The following RNF24 variants were observed in gnomAD, a reference collection of about 807,000 sequenced individuals.
RNF24 encodes ring finger protein 24.
RNF24 carries 14 observed loss-of-function variants against 20.0 expected under a neutral mutation model. That is an observed-to-expected ratio of 0.70 (90% CI 0.46 to 1.10). The LOEUF (loss-of-function observed/expected upper bound fraction) is 1.10. RNF24 is among the 50% of genes least tolerant of loss of function. The pLI, the probability that RNF24 is intolerant of heterozygous loss-of-function variation, is 0.00. For synonymous variants in RNF24, 45 were observed against 61.1 expected, an observed-to-expected ratio of 0.74 and a Z score of 1.23; for missense variants, 124 against 177.6, an observed-to-expected ratio of 0.70 and a Z score of 1.71.
Position 3,929,977 on chromosome 20 carries a change from C to A in RNF24, c.*4086G>T, listed in dbSNP as rs536661774. ...ATGGCTCTTCCCACATTAGTAGGAG[C>A]GTTCCTTGAATACACTTGTCTGGTA... On this transcript the variant is annotated 3_prime_UTR_variant, in exon 6 of 6. Coordinates refer to ENST00000358395, the MANE Select transcript of RNF24 (RefSeq NM_001134337.3). 1.4e-5 allele frequency: 2 copies of A among 147,224 alleles called. No homozygotes were observed. Among genetic ancestry groups the A allele is most frequent in the South Asian group, 4.1e-4 (2 of 4,834 alleles). 9.1% of individuals were successfully genotyped at this position (147,224 alleles called of 1,614,324 possible).
At chr20:3,965,007 TA>T (rs1007072423) in intron 1 of RNF24, among the ~76,000 whole-genome samples, 15 of 151,758 alleles carry the variant, frequency 9.9e-5, no homozygotes, top group South Asian at 2.1e-4. Context: ...GTTTAAACAT[TA>T]AAAAAAAGGA....
At chr20:3,957,229 C>T (rs1017334430) in intron 2 of RNF24, among the ~76,000 whole-genome samples, 1 of 151,812 alleles carries the variant, frequency 6.6e-6, no homozygotes, top group Non-Finnish European at 1.5e-5. Flanking sequence ...ACCCATGAGG[C>T]GGAGGTTGCA....
intron 4 of RNF24, among the ~76,000 whole-genome samples, chr20:3,942,837 A>G (rs1238014396): frequency 2.8e-5 from 4 of 145,408 alleles, no homozygotes; most frequent in African/African-American, 1.0e-4. Context: ...TTTTTTTGAG[A>G]TAGTGTTTCA....
At chr20:3,936,791 T>A (rs1315341160) in intron 4 of RNF24, among the ~76,000 whole-genome samples, 3 of 152,212 alleles carry the variant, frequency 2.0e-5, no homozygotes, top group Non-Finnish European at 4.4e-5. Context: ...TTTATTCACT[T>A]ATTTTTCCAG....
chr20:3,949,520 T>C (rs1389689203), intron 2 of RNF24, among the ~76,000 whole-genome samples: 1 of 151,726 alleles, frequency 6.6e-6, no homozygotes, highest in Non-Finnish European at 1.5e-5. Flanking sequence ...ACCTCATCTG[T>C]ACAAAAAATA....
intron 1 of RNF24, among the ~76,000 whole-genome samples, chr20:3,991,894 T>C (rs1980468865): frequency 6.6e-6 from 1 of 151,956 alleles, no homozygotes; most frequent in African/African-American, 2.4e-5. Context: ...CTAATGAGAT[T>C]GCCGTTTCAT....
At chr20:4,005,951 T>G (rs1481449262) in intron 1 of RNF24, among the ~76,000 whole-genome samples, 2 of 152,194 alleles carry the variant, frequency 1.3e-5, no homozygotes, top group Non-Finnish European at 2.9e-5. Context: ...AATTAAACAA[T>G]TATGATATTA....
intron 1 of RNF24, among the ~76,000 whole-genome samples, chr20:4,014,086 T>G (rs1406094605): frequency 6.6e-6 from 1 of 152,210 alleles, no homozygotes; most frequent in South Asian, 2.1e-4. Flanking sequence ...CAGCGCTTCC[T>G]TCTCTCTCTG....
At chr20:3,947,444 G>A (rs1264680188) in intron 3 of RNF24, among the ~76,000 whole-genome samples, 2 of 152,186 alleles carry the variant, frequency 1.3e-5, no homozygotes, top group African/African-American at 4.8e-5. Context: ...ATCAGTGAAG[G>A]ACTAGGTATT....
intron 2 of RNF24, among the ~76,000 whole-genome samples, chr20:3,959,944 T>C (rs1296431005): frequency 6.6e-6 from 1 of 152,168 alleles, no homozygotes; most frequent in Non-Finnish European, 1.5e-5. Context: ...TGAACAAACA[T>C]AAATTAGAAT....
Position 3,927,977 on chromosome 20 carries a change from T to C in RNF24, c.*6086A>G, listed in dbSNP as rs1363920343. The C allele has an allele frequency of 1.3e-5, 2 of 152,038 alleles. No individual in the cohort carries two copies. The highest frequency in any genetic ancestry group is 4.8e-5 in the African/African-American group (2 of 41,382). 9.4% of individuals were successfully genotyped at this position (152,038 alleles called of 1,614,324 possible). ...GGGCTCTACAGCTGAATTGGCAAAG[T>C]AAGGTTTACTACACAAGCCCCTCTT... On this transcript the variant is annotated 3_prime_UTR_variant, in exon 6 of 6. Coordinates refer to ENST00000358395, the MANE Select transcript of RNF24 (RefSeq NM_001134337.3).
chr20:3,948,105 C>T, intron 3 of RNF24, 132 bp downstream of exon 3: 1 of 651,318 alleles, frequency 1.5e-6, no homozygotes, highest in Non-Finnish European at 2.7e-6. Context: ...TATTATACTG[C>T]AAATTGGCAG....
At chr20:3,982,485 G>A (rs1301384250) in intron 1 of RNF24, among the ~76,000 whole-genome samples, 2 of 150,912 alleles carry the variant, frequency 1.3e-5, no homozygotes, top group Non-Finnish European at 2.9e-5. Flanking sequence ...GTTGAGGCAG[G>A]AGAATCGCCT....
intron 2 of RNF24, among the ~76,000 whole-genome samples, chr20:3,956,064 T>G (rs1025257927): frequency 6.6e-5 from 10 of 152,070 alleles, no homozygotes; most frequent in Admixed American, 2.0e-4. Flanking sequence ...CTGTATAGGA[T>G]CATATCATCT....
intron 3 of RNF24, among the ~76,000 whole-genome samples, chr20:3,946,182 C>T (rs565385531): frequency 5.8e-4 from 89 of 152,156 alleles, no homozygotes; most frequent in African/African-American, 5.3e-4. Flanking sequence ...GATTATAATA[C>T]GTGGCCAGGC....
chr20:3,961,937 T>C (rs200332136), intron 2 of RNF24, among the ~76,000 whole-genome samples: 2 of 152,208 alleles, frequency 1.3e-5, no homozygotes, highest in East Asian at 1.9e-4. Context: ...CTATTATTAA[T>C]TTATATTTGA....
rs2091164188 is a variant in RNF24, at chr20:3,958,214, G to A, written c.143+5661C>T. ...AATAATATTGCTATCTCTCTTATGT[G>A]TGTCTCTTTTCACCTCTATGATTTA... On this transcript the variant is annotated intron_variant, in intron 2 of 5. Transcript: ENST00000358395. Among the ~76,000 whole-genome samples the A allele has an allele frequency of 3.9e-5, 6 of 152,198 alleles. No individual in the cohort carries two copies. The South Asian group carries it at 1.2e-3, about 32-fold the overall frequency.
At chr20:3,977,322 A>G (rs955124804) in intron 1 of RNF24, among the ~76,000 whole-genome samples, 5 of 152,170 alleles carry the variant, frequency 3.3e-5, no homozygotes, top group Non-Finnish European at 7.4e-5. Context: ...CTTAATTTAA[A>G]AAGTTGTTAC....
At chr20:3,947,074 C>A (rs967046933) in intron 3 of RNF24, among the ~76,000 whole-genome samples, 1 of 151,910 alleles carries the variant, frequency 6.6e-6, no homozygotes, top group Non-Finnish European at 1.5e-5. Context: ...AGATGGCTGT[C>A]GTCCCAGCTA....
Sources: allele counts gnomAD v4.1 joint callset (sites outside exome capture counted in the v4.1 genomes callset), GRCh38; gene constraint gnomAD v4.1.1; transcripts MANE v1.5; gene names NCBI Gene and HGNC (gene_info 2026-07-23, HGNC 2026-07-21).